CFTR: variants seen among roughly 807,000 people sequenced by gnomAD.
CFTR encodes the protein CF transmembrane conductance regulator, also known as cystic fibrosis transmembrane conductance regulator.
CFTR carries 181 observed loss-of-function variants against 171.6 expected under a neutral mutation model. The observed-to-expected ratio is 1.05, with a 90% CI of 0.93 to 1.19. The LOEUF is 1.19. Ranked by LOEUF, CFTR falls within the 50% of genes most tolerant of loss-of-function variation. CFTR has a pLI of 0.00. For missense variants in CFTR, 1,968 were observed against 1,734.7 expected (o/e 1.13, Z -2.39); for synonymous variants, 583 against 608.0 (o/e 0.96, Z 0.60).
intron 7 of CFTR, among the ~76,000 whole-genome samples, chr7:117,538,581 A>G (rs1049036247): frequency 6.6e-6 from 1 of 152,198 alleles, no homozygotes; most frequent in Non-Finnish European, 1.5e-5. Flanking sequence ...AGCCTAGTCC[A>G]TGTTATTCCT....
intron 20 of CFTR, among the ~76,000 whole-genome samples, chr7:117,614,139 C>T (rs1792447197): frequency 6.6e-6 from 1 of 151,676 alleles, no homozygotes; most frequent in Non-Finnish European, 1.5e-5. Context: ...AAAGGTCCTC[C>T]TTGCAAAGGC....
At chr7:117,610,404 G>A in intron 18 of CFTR, 115 bp from the exon 19 acceptor site, 1 of 858,858 alleles carries the variant, frequency 1.2e-6, no homozygotes, top group Non-Finnish European at 1.8e-6. Flanking sequence ...ATAAAAAAAA[G>A]TTTGAGGTGT....
At chr7:117,545,940 T>G (rs1799138911) in intron 9 of CFTR, among the ~76,000 whole-genome samples, 1 of 152,020 alleles carries the variant, frequency 6.6e-6, no homozygotes. Flanking sequence ...TGCCTTAGCC[T>G]ACTGAGTAGC....
intron 3 of CFTR, among the ~76,000 whole-genome samples, chr7:117,514,508 A>G (rs563663586): frequency 6.6e-6 from 1 of 152,310 alleles, no homozygotes; most frequent in Admixed American, 6.5e-5. Flanking sequence ...TTATGGCTGC[A>G]TAGTATTCCA....
At chr7:117,501,776 C>CAAAAAAAAAAAAAAAAAAAAAA (rs796991857) in intron 1 of CFTR, among the ~76,000 whole-genome samples, 4 of 84,324 alleles carry the variant, frequency 4.7e-5, no homozygotes, top group South Asian at 4.0e-4. Flanking sequence ...AAAAAAGAAA[C>CAAAAAAAAAAAAAAAAAAAAAA]AAAAAAAAAA....
At chr7:117,662,390 T>C (rs1793305053) in intron 24 of CFTR, among the ~76,000 whole-genome samples, 1 of 152,154 alleles carries the variant, frequency 6.6e-6, no homozygotes. Context: ...CTTGCACAAA[T>C]ACTACTATCA....
chr7:117,480,481 A>G (rs1401266658), intron 1 of CFTR, among the ~76,000 whole-genome samples: 2 of 152,150 alleles, frequency 1.3e-5, no homozygotes, highest in Non-Finnish European at 2.9e-5. Flanking sequence ...AGTATGGTTT[A>G]TTGGTTTTCC....
At chr7:117,518,455 CAT>C (rs1319132498) in intron 3 of CFTR, among the ~76,000 whole-genome samples, 1 of 146,138 alleles carries the variant, frequency 6.8e-6, no homozygotes, top group Non-Finnish European at 1.5e-5. Context: ...TTAACATATA[CAT>C]ATGTGTATAT....
intron 5 of CFTR, among the ~76,000 whole-genome samples, chr7:117,534,659 C>G (rs781704400): frequency 6.6e-6 from 1 of 152,098 alleles, no homozygotes; most frequent in African/African-American, 2.4e-5. Context: ...TGTACTTTGG[C>G]CAGATATGAT....
intron 18 of CFTR, among the ~76,000 whole-genome samples, chr7:117,608,316 C>T (rs987379071): frequency 2.0e-5 from 3 of 152,004 alleles, no homozygotes; most frequent in South Asian, 2.1e-4. Context: ...GCGATTCTCT[C>T]GCATCAGCCT....
At position 117,595,074 on chromosome 7, in the gene CFTR, T is replaced by G. The variant is rs751295370; in HGVS notation, c.2619+16T>G. ...TCTGGCAGAGGTAAGAATGTTCTAT[T>G]GTAAAGTATTACTGGATTTAAAGTT... On this transcript the variant is annotated intron_variant, in intron 15 of 26. Coordinates refer to ENST00000003084, the MANE Select transcript of CFTR (RefSeq NM_000492.4). 6.2e-7 allele frequency: 1 copy of G among 1,604,848 alleles called. No individual in the cohort carries two copies. The highest frequency in any genetic ancestry group is 8.5e-7 in the Non-Finnish European group (1 of 1,172,842).
intron 1 of CFTR, among the ~76,000 whole-genome samples, chr7:117,503,709 T>A (rs1663878414): frequency 6.6e-6 from 1 of 152,184 alleles, no homozygotes; most frequent in Admixed American, 6.5e-5. Context: ...TCAGACATGA[T>A]AATTAAGTCA....
At chr7:117,550,650 G>A (rs184930351) in intron 10 of CFTR, among the ~76,000 whole-genome samples, 11 of 152,192 alleles carry the variant, frequency 7.2e-5, no homozygotes, top group South Asian at 2.1e-4. Flanking sequence ...TTAATTCTGC[G>A]TATGTCTTCA....
At chr7:117,652,276 T>C (rs940842573) in intron 23 of CFTR, among the ~76,000 whole-genome samples, 7 of 152,190 alleles carry the variant, frequency 4.6e-5, no homozygotes, top group Admixed American at 4.6e-4. Flanking sequence ...GATTTCTAAG[T>C]TGAGGCTCTC....
intron 14 of CFTR, among the ~76,000 whole-genome samples, chr7:117,594,241 A>G (rs1450581632): frequency 6.6e-6 from 1 of 152,198 alleles, no homozygotes; most frequent in East Asian, 1.9e-4. Flanking sequence ...TCCCAATTCC[A>G]TAGGAGCCCT....
intron 14 of CFTR, among the ~76,000 whole-genome samples, chr7:117,593,604 T>C (rs1792072551): frequency 6.6e-6 from 1 of 152,174 alleles, no homozygotes. Flanking sequence ...GTTTGTTTGT[T>C]TGTTTGTTTG....
At chr7:117,512,633 C>CA (rs5886861) in intron 3 of CFTR, among the ~76,000 whole-genome samples, 854 of 68,544 alleles carry the variant, frequency 0.012, 11 homozygotes, top group East Asian at 0.057. Flanking sequence ...GACTCCATCT[C>CA]AAAAAAAAAA....
At chr7:117,535,515 G>A in intron 6 of CFTR, 104 bp downstream of exon 6, 1 of 779,598 alleles carries the variant, frequency 1.3e-6, no homozygotes, top group Admixed American at 2.7e-5. Context: ...GTGATCTTCA[G>A]TGTCATTAAA....
intron 24 of CFTR, among the ~76,000 whole-genome samples, chr7:117,660,867 CTTTTGGACCATAATTTCCTTT>C: frequency 6.6e-6 from 1 of 152,034 alleles, no homozygotes; most frequent in Non-Finnish European, 1.5e-5. Flanking sequence ...TTTTTCTCCC[CTTTTGGACCATAATTTCCTTT>C]AAGGCAGAGC....
Sources: allele counts gnomAD v4.1 joint callset (sites outside exome capture counted in the v4.1 genomes callset), GRCh38; gene constraint gnomAD v4.1.1; transcripts MANE v1.5; gene names NCBI Gene and HGNC (gene_info 2026-07-23, HGNC 2026-07-21).